Variants in PCDHA12 observed in about 807,000 individuals in gnomAD.
PCDHA12 encodes protocadherin alpha 12.
Under a neutral mutation model 60.0 loss-of-function variants are expected in PCDHA12, and 44 were observed. The observed-to-expected ratio is 0.73, with a 90% CI of 0.58 to 0.94. The LOEUF is 0.94. Among genes scored for constraint, PCDHA12 ranks in the 40% least tolerant of loss-of-function variants. The pLI, the probability that PCDHA12 is intolerant of heterozygous loss-of-function variation, is 0.00. For missense variants in PCDHA12, 1,276 were observed against 1,239.7 expected (o/e 1.03, Z -0.44); for synonymous variants, 569 against 553.0 (o/e 1.03, Z -0.40).
chr5:140,943,505 T>C (rs938907371), intron 1 of PCDHA12, among the ~76,000 whole-genome samples: 13 of 152,106 alleles, frequency 8.5e-5, no homozygotes, highest in Non-Finnish European at 1.8e-4. Flanking sequence ...TCAAGGTTCA[T>C]GGAAATGTTG....
chr5:140,907,812 C>T (rs888159954), intron 1 of PCDHA12, among the ~76,000 whole-genome samples: 17 of 152,192 alleles, frequency 1.1e-4, no homozygotes, highest in Admixed American at 2.6e-4. Flanking sequence ...GTCCACAGAA[C>T]GAGTCATCCT....
chr5:140,968,951 A>G, intron 1 of PCDHA12: 4 of 1,614,228 alleles, frequency 2.5e-6, no homozygotes, highest in Non-Finnish European at 3.4e-6. Context: ...TTTGAGCATC[A>G]TCAAGTGCTA....
intron 1 of PCDHA12, among the ~76,000 whole-genome samples, chr5:140,915,068 ACTGAGTAG>A (rs2076964271): frequency 1.3e-5 from 2 of 150,322 alleles, no homozygotes; most frequent in South Asian, 4.2e-4. Context: ...GCCTTAGCCT[ACTGAGTAG>A]CTGGGACTAT....
chr5:140,875,349 C>T lies in PCDHA12; in HGVS notation c.-124C>T, dbSNP rs113418307. The T allele has an allele frequency of 9.7e-4, 1,402 of 1,444,894 alleles. 9 individuals carry two copies. In the African/African-American group the frequency reaches 0.018, roughly 18 times the overall value. 89.5% of individuals were successfully genotyped at this position (1,444,894 alleles called of 1,614,324 possible). A position where few individuals can be genotyped will look rare whatever the true frequency, so the allele number is the denominator to read the frequency against. ...CGGAATAGGATCGACTCCATAATGA[C>T]TGTGATGCTGGAAAAAATTTACTAA... On this transcript the variant is annotated 5_prime_UTR_variant, in exon 1 of 4. Coordinates refer to ENST00000398631, the MANE Select transcript of PCDHA12 (RefSeq NM_018903.4).
chr5:140,968,209 C>G (rs781795931), intron 1 of PCDHA12: 5 of 1,614,002 alleles, frequency 3.1e-6, no homozygotes, highest in Non-Finnish European at 4.2e-6. Context: ...TACAGGAGAA[C>G]AATTTGCCAG....
chr5:140,949,659 T>A (rs940241933), intron 1 of PCDHA12, among the ~76,000 whole-genome samples: 12 of 151,994 alleles, frequency 7.9e-5, no homozygotes, highest in Middle Eastern at 6.8e-3. Context: ...TACTTTTGTT[T>A]CTTTAAAGTA....
chr5:140,914,377 G>C (rs2076685968), intron 1 of PCDHA12, among the ~76,000 whole-genome samples: 1 of 152,090 alleles, frequency 6.6e-6, no homozygotes, highest in Non-Finnish European at 1.5e-5. Flanking sequence ...TATTTTATCT[G>C]TTATAAGTGT....
chr5:140,949,892 C>G (rs2094430270), intron 1 of PCDHA12, among the ~76,000 whole-genome samples: 1 of 151,674 alleles, frequency 6.6e-6, no homozygotes, highest in African/African-American at 2.4e-5. Context: ...TCCTCAGAAT[C>G]TCTTTTAATT....
At chr5:140,883,113 G>A in intron 1 of PCDHA12, 2 of 1,614,086 alleles carry the variant, frequency 1.2e-6, no homozygotes, top group Non-Finnish European at 1.7e-6. Context: ...TACTCATTTA[G>A]AAGGCCTGTA....
intron 1 of PCDHA12, 67 bp downstream of exon 1, chr5:140,877,906 A>C: frequency 7.0e-7 from 1 of 1,435,008 alleles, no homozygotes; most frequent in Non-Finnish European, 9.2e-7. Flanking sequence ...TTATAACTAC[A>C]TTCTCTCATT....
At position 140,876,699 on chromosome 5, in the gene PCDHA12, G is replaced by T. The variant is rs782209543; in HGVS notation, c.1227G>T (p.Leu409=). Reference sequence around the variant, plus strand: ...ACAAGAATTACTACTCGTTGGTGCTGGACAGCGCCCTGGACCGCGAGAGCG... The same window carrying T: ...ACAAGAATTACTACTCGTTGGTGCTTGACAGCGCCCTGGACCGCGAGAGCG... The part of the protein sequence containing the change: ...STYKNYYSLV[L]DSALDRESVS... The change falls in exon 1 of 4, where the codon CTG becomes CTT. Residue 409 remains leucine, a synonymous_variant. Coordinates refer to ENST00000398631, the MANE Select transcript of PCDHA12 (RefSeq NM_018903.4). The T allele has an allele frequency of 6.2e-7, 1 of 1,614,228 alleles. No individual in the cohort carries two copies.
chr5:140,941,191 T>TTTTTTTC lies in PCDHA12; in HGVS notation c.2368-37755_2368-37754insTTTCTTT, dbSNP rs1554213809. ...CATCTTGAACATCCTGCTTCTTTTT[T>TTTTTTTC]TTTCTTTCTTCCTTTCTTTCTTCCT... is the stretch of plus-strand genomic sequence containing the variant. On this transcript the variant is annotated intron_variant, in intron 1 of 3. Coordinates refer to ENST00000398631, the MANE Select transcript of PCDHA12 (RefSeq NM_018903.4). Among the ~76,000 whole-genome samples, 30 of 93,254 alleles carry TTTTTTTC rather than the reference T, an allele frequency of 3.2e-4. 1 individual carries two copies. Among genetic ancestry groups the TTTTTTTC allele is most frequent in the Admixed American group, 1.8e-3 (15 of 8,146 alleles). The allele number at this position is 93,254 out of a possible 152,430, so 61.2% of individuals were successfully genotyped here.
At chr5:140,990,084 C>T (rs31873) in intron 3 of PCDHA12, among the ~76,000 whole-genome samples, 3,615 of 152,028 alleles carry the variant, frequency 0.024, 147 homozygotes, top group African/African-American at 0.081. Flanking sequence ...ACAAAGGATG[C>T]TTGTGCTACT....
chr5:141,001,278 C>T (rs182360019), intron 3 of PCDHA12, among the ~76,000 whole-genome samples: 500 of 152,168 alleles, frequency 3.3e-3, no homozygotes, highest in Admixed American at 5.6e-3. Context: ...ACTTTTTTTA[C>T]GGATGAAAAC....
chr5:140,995,581 G>A (rs1268400169), intron 3 of PCDHA12, among the ~76,000 whole-genome samples: 6 of 152,292 alleles, frequency 3.9e-5, no homozygotes, highest in Admixed American at 2.0e-4. Context: ...TGAGCTATGA[G>A]CTTTTAACTT....
At chr5:140,884,391 C>G in intron 1 of PCDHA12, 1 of 1,613,982 alleles carries the variant, frequency 6.2e-7, no homozygotes, top group Non-Finnish European at 8.5e-7. Flanking sequence ...TGCGCGGTGT[C>G]CAGCCTGTTG....
chr5:141,008,040 T>C (rs1408807855), intron 3 of PCDHA12, among the ~76,000 whole-genome samples: 1 of 152,200 alleles, frequency 6.6e-6, no homozygotes, highest in Admixed American at 6.5e-5. Context: ...ATCTGCCTTT[T>C]GTAACAGGGG....
chr5:140,909,856 C>T (rs575107041), intron 1 of PCDHA12, among the ~76,000 whole-genome samples: 2 of 152,286 alleles, frequency 1.3e-5, no homozygotes, highest in South Asian at 2.1e-4. Context: ...TTTTCGGTCC[C>T]CTGGAGTCAA....
At chr5:140,910,525 C>T (rs531874263) in intron 1 of PCDHA12, among the ~76,000 whole-genome samples, 2 of 152,258 alleles carry the variant, frequency 1.3e-5, no homozygotes, top group African/African-American at 4.8e-5. Context: ...GCAGGTACTC[C>T]CCTCACAAAT....
Sources: gnomAD v4.1 joint callset for allele counts (sites outside exome capture counted in the v4.1 genomes callset) on GRCh38, gnomAD v4.1.1 for gene constraint, MANE v1.5 for transcripts, NCBI Gene and HGNC (gene_info 2026-07-23, HGNC 2026-07-21) for gene names.